The following ZDHHC15 variants were observed in gnomAD, a reference collection of about 807,000 sequenced individuals.
ZDHHC15 encodes the protein zDHHC palmitoyltransferase 15, also known as palmitoyltransferase ZDHHC15.
ZDHHC15 carries 19 observed loss-of-function variants against 31.7 expected under a neutral mutation model. The ratio of observed to expected loss-of-function variants is 0.60; its 90% confidence interval spans 0.42 to 0.88. The LOEUF (loss-of-function observed/expected upper bound fraction) is 0.88. Ranked by LOEUF, ZDHHC15 falls within the 40% of genes least tolerant of loss-of-function variation. ZDHHC15 has a pLI of 0.00. For synonymous variants in ZDHHC15, 103 were observed against 90.0 expected, an observed-to-expected ratio of 1.14 and a Z score of -0.82; for missense variants, 209 against 251.2, an observed-to-expected ratio of 0.83 and a Z score of 1.14.
At chrX:75,464,124 T>C (rs1223421167) in intron 3 of ZDHHC15, among the ~76,000 whole-genome samples, 1 of 111,911 alleles carries the variant, frequency 8.9e-6, no homozygotes, top group Non-Finnish European at 1.9e-5. Context: ...GATGAGTTCA[T>C]GTCCTTTGCA....
At chrX:75,394,052 A>T (rs904179891) in intron 10 of ZDHHC15, among the ~76,000 whole-genome samples, 1 of 111,516 alleles carries the variant, frequency 9.0e-6, no homozygotes, top group African/African-American at 3.3e-5. Context: ...CAACCCACTG[A>T]TTCTCAAATG....
intron 4 of ZDHHC15, among the ~76,000 whole-genome samples, chrX:75,439,271 C>A (rs2083905578): frequency 8.9e-6 from 1 of 111,935 alleles, no homozygotes. Context: ...GATCTCTCTT[C>A]TTCCTCAGGA....
chrX:75,497,628 C>T (rs1248749473), intron 2 of ZDHHC15, among the ~76,000 whole-genome samples: 1 of 111,698 alleles, frequency 9.0e-6, no homozygotes, highest in Non-Finnish European at 1.9e-5. Flanking sequence ...AGATAATTCA[C>T]CATGATCAAG....
At chrX:75,520,589 G>A (rs2085429152) in intron 1 of ZDHHC15, among the ~76,000 whole-genome samples, 1 of 111,034 alleles carries the variant, frequency 9.0e-6, no homozygotes, top group Non-Finnish European at 1.9e-5. Context: ...TTTACAATAT[G>A]GCATTGATCC....
chrX:75,486,231 G>T (rs1222122595), intron 2 of ZDHHC15, among the ~76,000 whole-genome samples: 2 of 111,781 alleles, frequency 1.8e-5, no homozygotes, highest in Non-Finnish European at 3.8e-5. Flanking sequence ...ATGGATTTAG[G>T]GAGCCAAGCA....
chrX:75,387,675 C>T (rs773082734), intron 10 of ZDHHC15, among the ~76,000 whole-genome samples: 1 of 111,690 alleles, frequency 9.0e-6, no homozygotes, highest in Non-Finnish European at 1.9e-5. Context: ...TGCCTCAAAA[C>T]ATCAAACGTA....
chrX:75,433,870 TG>T lies in ZDHHC15; in HGVS notation c.380-2351del, dbSNP rs1339073224. ...CTGGGTAAATACCCAGGAGTGGGATTGTTGGATCAAATGACAGATCTACGTT... is the reference window on the plus strand; with the variant it reads ...CTGGGTAAATACCCAGGAGTGGGATTTTGGATCAAATGACAGATCTACGTT... On this transcript the variant is annotated intron_variant, in intron 4 of 11. Coordinates refer to ENST00000373367, the MANE Select transcript of ZDHHC15 (RefSeq NM_144969.3). Among the ~76,000 whole-genome samples, 7 of 111,137 alleles carry T rather than the reference TG, an allele frequency of 6.3e-5. No individual in the cohort carries two copies. In the East Asian group the frequency reaches 1.7e-3, roughly 27 times the overall value.
intron 11 of ZDHHC15, 147 bp from the exon 12 acceptor site, chrX:75,373,092 C>A (rs1012196773): frequency 1.8e-5 from 2 of 111,096 alleles, no homozygotes; most frequent in African/African-American, 6.5e-5. Context: ...GTGAAAAAGG[C>A]AGGATATAAA....
intron 2 of ZDHHC15, among the ~76,000 whole-genome samples, chrX:75,495,087 G>A (rs1213872742): frequency 3.6e-5 from 4 of 110,190 alleles, no homozygotes; most frequent in African/African-American, 6.6e-5. Flanking sequence ...AAATTTTCAA[G>A]AAAAAAAACA....
intron 10 of ZDHHC15, among the ~76,000 whole-genome samples, chrX:75,396,242 C>A (rs181196245): frequency 1.7e-3 from 194 of 111,461 alleles, no homozygotes; most frequent in Non-Finnish European, 2.5e-3. Flanking sequence ...TTTGCAAATA[C>A]CCATCTGAGA....
intron 7 of ZDHHC15, among the ~76,000 whole-genome samples, chrX:75,426,305 C>T (rs1045288394): frequency 9.0e-6 from 1 of 111,559 alleles, no homozygotes; most frequent in Non-Finnish European, 1.9e-5. Flanking sequence ...ACAAGAGGGA[C>T]TGATATAAAG....
intron 4 of ZDHHC15, among the ~76,000 whole-genome samples, chrX:75,435,469 C>A (rs980289251): frequency 8.9e-6 from 1 of 112,089 alleles, no homozygotes; most frequent in African/African-American, 3.2e-5. Flanking sequence ...TATAATTTAG[C>A]TGTGGGTTTG....
At chrX:75,415,161 T>C (rs1362157540) in intron 10 of ZDHHC15, among the ~76,000 whole-genome samples, 5 of 111,934 alleles carry the variant, frequency 4.5e-5, no homozygotes, top group Non-Finnish European at 7.5e-5. Context: ...TTAACTTAAA[T>C]ACACACATGT....
At chrX:75,408,076 A>G (rs2083440841) in intron 10 of ZDHHC15, among the ~76,000 whole-genome samples, 1 of 110,574 alleles carries the variant, frequency 9.0e-6, no homozygotes, top group African/African-American at 3.3e-5. Flanking sequence ...ACACTGCAGA[A>G]GGCCGCAGGG....
chrX:75,509,142 A>C (rs780597675), intron 1 of ZDHHC15, among the ~76,000 whole-genome samples: 3 of 111,364 alleles, frequency 2.7e-5, no homozygotes, highest in Admixed American at 9.6e-5. Flanking sequence ...ACCAAAAGCA[A>C]TGGCAACAAA....
intron 4 of ZDHHC15, among the ~76,000 whole-genome samples, chrX:75,445,133 A>C (rs1481982889): frequency 9.0e-6 from 1 of 111,410 alleles, no homozygotes; most frequent in African/African-American, 3.3e-5. Flanking sequence ...CAATGTAAAT[A>C]ATGTAAATAA....
intron 7 of ZDHHC15, among the ~76,000 whole-genome samples, chrX:75,426,278 T>C (rs1389411694): frequency 9.0e-6 from 1 of 111,694 alleles, no homozygotes; most frequent in Non-Finnish European, 1.9e-5. Context: ...TATAAATGGA[T>C]AGTAGAAAAT....
chrX:75,476,810 G>A (rs957398209), intron 3 of ZDHHC15, among the ~76,000 whole-genome samples: 1 of 104,501 alleles, frequency 9.6e-6, no homozygotes, highest in Non-Finnish European at 1.9e-5. Flanking sequence ...CTAAATAAAG[G>A]TTTGACAATT....
intron 10 of ZDHHC15, among the ~76,000 whole-genome samples, chrX:75,382,748 G>T (rs1197827026): frequency 8.9e-6 from 1 of 112,329 alleles, no homozygotes; most frequent in Non-Finnish European, 1.9e-5. Context: ...TTTGGTGAAA[G>T]ATATCAGGTT....
Sources: allele counts gnomAD v4.1 joint callset (sites outside exome capture counted in the v4.1 genomes callset), GRCh38; gene constraint gnomAD v4.1.1; transcripts MANE v1.5; gene names NCBI Gene and HGNC (gene_info 2026-07-23, HGNC 2026-07-21).